DYNC2H1: variants seen among roughly 807,000 people sequenced by gnomAD.
DYNC2H1 encodes dynein cytoplasmic 2 heavy chain 1, also known as cytoplasmic dynein 2 heavy chain 1.
A neutral mutation model predicts 570.0 loss-of-function variants in DYNC2H1; 410 were observed. The ratio of observed to expected loss-of-function variants is 0.72; its 90% CI spans 0.66 to 0.78. The LOEUF (loss-of-function observed/expected upper bound fraction) is 0.78. Among genes scored for constraint, DYNC2H1 ranks in the 30% least tolerant of loss-of-function variants. DYNC2H1 has a pLI of 0.00. For synonymous variants in DYNC2H1, 1,688 were observed against 1,677.6 expected (o/e 1.01, Z -0.15); for missense variants, 4,865 against 5,046.4 (o/e 0.96, Z 1.09).
intron 82 of DYNC2H1, among the ~76,000 whole-genome samples, chr11:103,332,102 T>C (rs1027095724): frequency 1.3e-5 from 2 of 150,720 alleles, no homozygotes; most frequent in African/African-American, 4.9e-5. Flanking sequence ...AAAAGCATAA[T>C]ATGCAAGATT....
chr11:103,338,857 T>G (rs1939293466), intron 82 of DYNC2H1, among the ~76,000 whole-genome samples: 1 of 152,174 alleles, frequency 6.6e-6, no homozygotes, highest in African/African-American at 2.4e-5. Context: ...CATGTTTTCC[T>G]AGTTGTTCTT....
intron 17 of DYNC2H1, among the ~76,000 whole-genome samples, chr11:103,141,189 G>A (rs939890907): frequency 6.6e-6 from 1 of 152,144 alleles, no homozygotes; most frequent in Non-Finnish European, 1.5e-5. Context: ...ATCGTCTGAA[G>A]CCTTCTTCTC....
chr11:103,437,107 C>G (rs1373983308), intron 85 of DYNC2H1, among the ~76,000 whole-genome samples: 1 of 152,076 alleles, frequency 6.6e-6, no homozygotes, highest in Non-Finnish European at 1.5e-5. Flanking sequence ...CTTGAAGACT[C>G]CATTCTGTCA....
intron 80 of DYNC2H1, 118 bp from the exon 81 acceptor site, chr11:103,320,911 G>A (rs541264774): frequency 6.4e-6 from 5 of 784,592 alleles, no homozygotes; most frequent in Admixed American, 3.1e-5. Flanking sequence ...ATAGTCATTT[G>A]AATAAATGAT....
intron 76 of DYNC2H1, among the ~76,000 whole-genome samples, chr11:103,304,071 G>A (rs1273970638): frequency 6.6e-6 from 1 of 151,610 alleles, no homozygotes; most frequent in Non-Finnish European, 1.5e-5. Context: ...AAAATGAAAT[G>A]TATTAATTCA....
intron 70 of DYNC2H1, among the ~76,000 whole-genome samples, chr11:103,263,773 T>G (rs1865404836): frequency 6.6e-6 from 1 of 150,444 alleles, no homozygotes; most frequent in East Asian, 1.9e-4. Context: ...AGATCTAAAA[T>G]CAACCCCCTA....
chr11:103,359,985 A>T (rs1184579176), intron 83 of DYNC2H1, among the ~76,000 whole-genome samples: 2 of 152,092 alleles, frequency 1.3e-5, no homozygotes, highest in East Asian at 3.9e-4. Flanking sequence ...TTTGGAATGT[A>T]GATATAGCCC....
At chr11:103,167,608 GT>G (rs1207853228) in intron 31 of DYNC2H1, among the ~76,000 whole-genome samples, 1 of 152,042 alleles carries the variant, frequency 6.6e-6, no homozygotes, top group Non-Finnish European at 1.5e-5. Flanking sequence ...ACCTCAACAG[GT>G]ATGTCATCTA....
chr11:103,459,716 G>A (rs9795058), intron 87 of DYNC2H1, among the ~76,000 whole-genome samples: 1 of 151,848 alleles, frequency 6.6e-6, no homozygotes, highest in Non-Finnish European at 1.5e-5. Context: ...ACTTTGGGAG[G>A]CCGAGGCGGG....
chr11:103,235,759 G>A lies in DYNC2H1; in HGVS notation c.9655G>A (p.Glu3219Lys), dbSNP rs376974461. The A allele has an allele frequency of 7.5e-5, 121 of 1,611,660 alleles. No individual in the cohort carries two copies. Among genetic ancestry groups the A allele is most frequent in the Middle Eastern group, 1.6e-4 (1 of 6,074 alleles). Reference protein sequence around the residue: ...AFITYLSAAPESLRKTCLEEW... With the variant: ...AFITYLSAAPKSLRKTCLEEW... ...TATTACATATCTTTCTGCTGCTCCT[G>A]AATCTCTGAGAAAAACCTGTTTGGA... is the stretch of plus-strand genomic sequence containing the variant. The change falls in exon 62 of 89, where the codon GAA becomes AAA. Residue 3219 changes from glutamate (E) to lysine (K), a missense_variant. Physicochemically the swap from Glu to Lys is moderately conservative, Grantham distance 56 (BLOSUM62 1). This residue lies in a region of DYNC2H1 where 2,401 missense variants were observed against 2,454.6 expected (regional missense o/e 0.98). Coordinates refer to ENST00000375735, the MANE Select transcript of DYNC2H1 (RefSeq NM_001377.3).
chr11:103,186,877 G>T lies in DYNC2H1; in HGVS notation c.6893+376G>T, dbSNP rs1213176818. ...GTAGCTTTTAATTCAGTGGAATTCAGCCTAGTTTTAGTTCATATGGAGCAT... is the reference window on the plus strand; with the variant it reads ...GTAGCTTTTAATTCAGTGGAATTCATCCTAGTTTTAGTTCATATGGAGCAT... On this transcript the variant is annotated intron_variant, in intron 42 of 88. Transcript: ENST00000375735. This position sits in a 1 kb window ranked among gnomAD's most constrained non-coding sequence, Gnocchi z 4.5. Among the ~76,000 whole-genome samples the T allele has an allele frequency of 6.6e-6, 1 of 151,754 alleles. No individual in the cohort carries two copies. Among genetic ancestry groups the T allele is most frequent in the African/African-American group, 2.4e-5 (1 of 41,334 alleles).
chr11:103,112,907 A>G (rs183126502), intron 1 of DYNC2H1, among the ~76,000 whole-genome samples: 168 of 152,322 alleles, frequency 1.1e-3, no homozygotes, highest in African/African-American at 3.8e-3. Flanking sequence ...GTGAATTCCA[A>G]TTGAGTTCAT....
chr11:103,116,742 AT>A, intron 5 of DYNC2H1, 28 bp downstream of exon 5: 1 of 1,555,902 alleles, frequency 6.4e-7, no homozygotes, highest in Non-Finnish European at 8.7e-7. Flanking sequence ...AACTTTTGGA[AT>A]TTTGAAAACC....
chr11:103,190,818 T>G (rs1862273676), intron 45 of DYNC2H1, among the ~76,000 whole-genome samples: 1 of 152,048 alleles, frequency 6.6e-6, no homozygotes, highest in South Asian at 2.1e-4. Context: ...CAGTGACTTC[T>G]TGAACTTAAA....
chr11:103,317,825 A>G (rs141387626), intron 80 of DYNC2H1, among the ~76,000 whole-genome samples: 3 of 152,192 alleles, frequency 2.0e-5, no homozygotes, highest in African/African-American at 2.4e-5. Context: ...ATCATTCTCT[A>G]TCCCTTTGTA....
intron 76 of DYNC2H1, 103 bp from the exon 77 acceptor site, chr11:103,304,492 G>C: frequency 2.4e-6 from 3 of 1,231,906 alleles, no homozygotes; most frequent in Non-Finnish European, 3.2e-6. Flanking sequence ...ATTAAAGCCA[G>C]TTAGGAAGGT....
chr11:103,460,743 A>G (rs899083515), intron 87 of DYNC2H1, among the ~76,000 whole-genome samples: 12 of 151,414 alleles, frequency 7.9e-5, no homozygotes, highest in Admixed American at 4.6e-4. Context: ...TTCAGATTAC[A>G]TATATGATTA....
chr11:103,292,106 G>A (rs977790476), intron 75 of DYNC2H1, among the ~76,000 whole-genome samples: 1 of 150,902 alleles, frequency 6.6e-6, no homozygotes, highest in East Asian at 1.9e-4. Context: ...GACTAACTAC[G>A]GCTATTTTGT....
chr11:103,144,713 T>C (rs1164695472), intron 18 of DYNC2H1, among the ~76,000 whole-genome samples: 1 of 152,040 alleles, frequency 6.6e-6, no homozygotes, highest in Non-Finnish European at 1.5e-5. Context: ...TTTATTCATT[T>C]TGGGATGATT....
Sources: allele counts gnomAD v4.1 joint callset (sites outside exome capture counted in the v4.1 genomes callset), GRCh38; gene constraint gnomAD v4.1.1; regional missense constraint gnomAD v4.1.1; non-coding constraint Gnocchi (gnomAD v3.1); transcripts MANE v1.5; gene names NCBI Gene and HGNC (gene_info 2026-07-23, HGNC 2026-07-21).